PIEZO2: variants seen among roughly 807,000 people sequenced by gnomAD.
The protein encoded by PIEZO2 is piezo-type mechanosensitive ion channel component 2.
Under a neutral mutation model 337.3 loss-of-function variants are expected in PIEZO2, and 172 were observed. That is an observed-to-expected ratio of 0.51 (90% CI 0.45 to 0.58). The LOEUF (loss-of-function observed/expected upper bound fraction) is 0.58. Ranked by LOEUF, PIEZO2 falls within the 20% of genes least tolerant of loss-of-function variation. The probability of loss-of-function intolerance (pLI) is 0.00; values close to 1 mark genes in which losing one functional copy is unlikely to be tolerated. For missense variants in PIEZO2, 3,028 were observed against 3,391.3 expected (o/e 0.89, Z 2.66); for synonymous variants, 1,251 against 1,228.5 (o/e 1.02, Z -0.38).
intron 1 of PIEZO2, among the ~76,000 whole-genome samples, chr18:11,091,195 C>G (rs1475167322): frequency 6.6e-6 from 1 of 151,704 alleles, no homozygotes; most frequent in Non-Finnish European, 1.5e-5. Context: ...AACAGCCTGG[C>G]CAGCATGATG....
At position 10,672,738 on chromosome 18, in the gene PIEZO2, A is replaced by C; in HGVS notation, c.8297T>G (p.Phe2766Cys). 1 of 1,614,098 alleles carries C rather than the reference A, an allele frequency of 6.2e-7. No individual in the cohort carries two copies. Among genetic ancestry groups the C allele is most frequent in the East Asian group, 2.2e-5 (1 of 44,876 alleles). ...ACTTGGGGGACTGACTTTGTCATTG[A>C]AGACCACCAGTTCCAGGGCCTGAGA... Reference protein sequence around the residue: ...PNSQALELVVFNDKVSPPSLG... With the variant: ...PNSQALELVVCNDKVSPPSLG... The change falls in exon 55 of 56, where the codon TTC becomes TGC. Residue 2766 changes from phenylalanine to cysteine, a missense_variant. By Grantham distance (205) the Phe-to-Cys change is radical (BLOSUM62 -2). This residue lies in a region of PIEZO2 where 332 missense variants were observed against 363.8 expected (regional missense o/e 0.91). Transcript: ENST00000674853. The surrounding 1 kb of genome is among the most constrained non-coding windows in gnomAD (Gnocchi z 4.7).
Position 11,148,567 on chromosome 18 carries a change from C to T in PIEZO2, c.22G>A (p.Gly8Arg). The change falls in exon 1 of 56, where the codon GGG (glycine) becomes AGG (arginine). Residue 8 changes from glycine (G) to arginine (R), a missense_variant. Physicochemically the swap from Gly to Arg is moderately radical, Grantham distance 125. This residue lies in a region of PIEZO2 where 542 missense variants were observed against 605.6 expected (regional missense o/e 0.89). Transcript: ENST00000674853. The surrounding 1 kb of genome is among the most constrained non-coding windows in gnomAD (Gnocchi z 5.2). ...GGCAGCAGCAGCCTGAAGATGAGCCCGCACACCACTTCTGAGGCCATCGCG... is the reference window on the plus strand; with the variant it reads ...GGCAGCAGCAGCCTGAAGATGAGCCTGCACACCACTTCTGAGGCCATCGCG... MASEVVCGLIFRLLLPIC... is the reference protein window; with the variant it reads MASEVVCRLIFRLLLPIC... 6.5e-7 allele frequency: 1 copy of T among 1,537,188 alleles called. No homozygotes were observed. The highest frequency in any genetic ancestry group is 1.2e-5 in the South Asian group (1 of 84,066).
In PIEZO2 at chr18:10,942,076, G is replaced by T. The variant is rs2032757602; in HGVS notation, c.287-30848C>A. The stretch of plus-strand genomic sequence containing the variant: ...TCCTTGCTTTCGGCCACGATCGTGA[G>T]GCCTCTCCAGCCATGTGGAACTGTA... On this transcript the variant is annotated intron_variant, in intron 3 of 55. Coordinates refer to ENST00000674853, the MANE Select transcript of PIEZO2 (RefSeq NM_001378183.1). The surrounding 1 kb of genome is among the most constrained non-coding windows in gnomAD (Gnocchi z 4.4). Among the ~76,000 whole-genome samples the T allele has an allele frequency of 6.6e-6, 1 of 152,194 alleles. No homozygotes were observed. Among genetic ancestry groups the T allele is most frequent in the African/African-American group, 2.4e-5 (1 of 41,446 alleles).
In PIEZO2 at chr18:10,807,150, G is replaced by T; in HGVS notation, c.1042C>A (p.Leu348Met). 6.5e-7 allele frequency: 1 copy of T among 1,537,250 alleles called. No individual in the cohort carries two copies. The highest frequency in any genetic ancestry group is 1.2e-5 in the South Asian group (1 of 84,060). ...AGCCAGATGCGGATCAGAGTGGCCAGAGTGTAGTACATCACCAGCAGGAGG... is the reference window on the plus strand; with the variant it reads ...AGCCAGATGCGGATCAGAGTGGCCATAGTGTAGTACATCACCAGCAGGAGG... Reference protein sequence around the residue: ...PILLLVMYYTLATLIRIWLQE... With the variant: ...PILLLVMYYTMATLIRIWLQE... Residue 348 changes from leucine to methionine, a missense_variant, in exon 8 of 56, where the codon CTG becomes ATG. Physicochemically the swap from Leu to Met is conservative, Grantham distance 15. Transcript: ENST00000674853.
intron 2 of PIEZO2, among the ~76,000 whole-genome samples, chr18:11,064,097 G>C (rs1395786116): frequency 6.6e-6 from 1 of 152,056 alleles, no homozygotes; most frequent in Non-Finnish European, 1.5e-5. Context: ...ATTTGTGTTG[G>C]GCCACACTCA....
intron 36 of PIEZO2, among the ~76,000 whole-genome samples, chr18:10,721,220 T>A (rs2036297848): frequency 6.6e-6 from 1 of 152,216 alleles, no homozygotes; most frequent in African/African-American, 2.4e-5. Context: ...TTTGCTCCTC[T>A]GTAGAGCAGG....
chr18:10,840,617 TC>T (rs2041160465), intron 7 of PIEZO2, among the ~76,000 whole-genome samples: 1 of 151,458 alleles, frequency 6.6e-6, no homozygotes, highest in African/African-American at 2.4e-5. Flanking sequence ...ATCCAAAATA[TC>T]CACTTTTGAC....
chr18:11,093,024 G>T (rs912026143), intron 1 of PIEZO2, among the ~76,000 whole-genome samples: 1 of 152,102 alleles, frequency 6.6e-6, no homozygotes, highest in Non-Finnish European at 1.5e-5. Flanking sequence ...AGGGCCATTT[G>T]GTTTCCAGAA....
In PIEZO2 at chr18:10,671,712, T is replaced by C; in HGVS notation, c.8413A>G (p.Ile2805Val). The change falls in exon 56 of 56, where the codon ATT becomes GTT. Residue 2805 changes from isoleucine (I) to valine (V), a missense_variant. Physicochemically the swap from Ile to Val is conservative, Grantham distance 29. Coordinates refer to ENST00000674853, the MANE Select transcript of PIEZO2 (RefSeq NM_001378183.1). The part of the protein sequence containing the change: ...GKFVREFFSG[I>V]SHSIMFEELP... ...TCTTCAAACATGATGGAGTGAGAAA[T>C]CCCACTGAAGAATTCACGGACAAAT... 6.2e-7 allele frequency: 1 copy of C among 1,613,866 alleles called. No homozygotes were observed. The highest frequency in any genetic ancestry group is 1.1e-5 in the South Asian group (1 of 91,068).
chr18:10,906,081 C>T (rs1028719292), intron 4 of PIEZO2, among the ~76,000 whole-genome samples: 5 of 152,076 alleles, frequency 3.3e-5, no homozygotes, highest in African/African-American at 4.8e-5. Flanking sequence ...TGGAAGGCTG[C>T]GGTCACCCCA....
At chr18:10,792,823 TTA>T (rs1404715530) in intron 13 of PIEZO2, among the ~76,000 whole-genome samples, 2 of 152,222 alleles carry the variant, frequency 1.3e-5, no homozygotes, top group African/African-American at 2.4e-5. Context: ...TATGGAAATT[TTA>T]TGTTTAAAAT....
chr18:10,830,032 C>T lies in PIEZO2; in HGVS notation c.918-22758G>A, dbSNP rs531700402. Among the ~76,000 whole-genome samples, 6 of 151,864 alleles carry T rather than the reference C, an allele frequency of 4.0e-5. No individual in the cohort carries two copies. The highest frequency in any genetic ancestry group is 8.8e-5 in the Non-Finnish European group (6 of 67,982). ...TACAAAACTGGAGGAATCACATTACCTCACTTCGAATTATACTACAGAGCT... is the reference window on the plus strand; with the variant it reads ...TACAAAACTGGAGGAATCACATTACTTCACTTCGAATTATACTACAGAGCT... On this transcript the variant is annotated intron_variant, in intron 7 of 55. Coordinates refer to ENST00000674853, the MANE Select transcript of PIEZO2 (RefSeq NM_001378183.1). This position sits in a 1 kb window ranked among gnomAD's most constrained non-coding sequence, Gnocchi z 4.7.
At position 10,773,625 on chromosome 18, in the gene PIEZO2, C is replaced by T; in HGVS notation, c.2572G>A (p.Ala858Thr). ...TCCGGGAGGCTTCCTTCCGGGTGGG[C>T]CAGTCTGTTGGCAGAGAGCAGCTGA... ...KKLPIHQNEL[A>T]HPEGSLPDLT... The change falls in exon 20 of 56, where the codon GCC (alanine) becomes ACC (threonine). Residue 858 changes from alanine (A) to threonine (T), a missense_variant. Ala to Thr is a moderately conservative substitution (Grantham distance 58). Around this residue, in one of 5 missense-constraint regions of PIEZO2, gnomAD observed 1,925 missense variants for 2,051.9 expected, o/e 0.94. Coordinates refer to ENST00000674853, the MANE Select transcript of PIEZO2 (RefSeq NM_001378183.1). The surrounding 1 kb of genome is among the most constrained non-coding windows in gnomAD (Gnocchi z 5.3). 6.5e-7 allele frequency: 1 copy of T among 1,537,158 alleles called. No homozygotes were observed. The highest frequency in any genetic ancestry group is 8.7e-7 in the Non-Finnish European group (1 of 1,146,918).
chr18:11,135,257 T>C (rs1314560839), intron 1 of PIEZO2, among the ~76,000 whole-genome samples: 1 of 152,028 alleles, frequency 6.6e-6, no homozygotes, highest in African/African-American at 2.4e-5. Context: ...CAGACATGAG[T>C]TCCTTTGACT....
Position 10,724,625 on chromosome 18 carries a change from T to C in PIEZO2, c.5030-6366A>G, listed in dbSNP as rs2036453606. On this transcript the variant is annotated intron_variant, in intron 36 of 55. Coordinates refer to ENST00000674853, the MANE Select transcript of PIEZO2 (RefSeq NM_001378183.1). This position sits in a 1 kb window ranked among gnomAD's most constrained non-coding sequence, Gnocchi z 5.8. ...TGTGACCCCCAAGACAGAATGGTGC[T>C]GGACTCGGGGTCTCAGGCGTATGAT... The C allele has an allele frequency of 2.9e-6, 2 of 684,202 alleles. No homozygotes were observed. Among genetic ancestry groups the C allele is most frequent in the Non-Finnish European group, 5.2e-6 (2 of 387,278 alleles). The allele number at this position is 684,202 out of a possible 1,614,324, so 42.4% of individuals were successfully genotyped here.
intron 4 of PIEZO2, among the ~76,000 whole-genome samples, chr18:10,882,539 G>A (rs1434716373): frequency 2.0e-5 from 3 of 152,166 alleles, no homozygotes; most frequent in Non-Finnish European, 4.4e-5. Context: ...AATACAGGAA[G>A]CATGTTATCA....
chr18:10,880,846 CATATATAT>C (rs56271617), intron 4 of PIEZO2, among the ~76,000 whole-genome samples: 1,539 of 67,282 alleles, frequency 0.023, 26 homozygotes, highest in Non-Finnish European at 0.029. Context: ...TCCCACATAT[CATATATAT>C]ATATATATAT....
Position 10,872,927 on chromosome 18 carries a change from T to C in PIEZO2, c.330-1512A>G, listed in dbSNP as rs538466631. Among the ~76,000 whole-genome samples the C allele has an allele frequency of 2.2e-4, 33 of 152,158 alleles. No individual in the cohort carries two copies. In the South Asian group the frequency reaches 3.7e-3, roughly 17 times the overall value. ...CTTCTGGGGAAGATAAGATGATCCA[T>C]GGAAAAATCAAGCATAGAACTTCAA... On this transcript the variant is annotated intron_variant, in intron 4 of 55. Transcript: ENST00000674853. The surrounding 1 kb of genome is among the most constrained non-coding windows in gnomAD (Gnocchi z 4.3).
chr18:10,685,120 A>G (rs1598353395), intron 49 of PIEZO2, among the ~76,000 whole-genome samples: 1 of 152,208 alleles, frequency 6.6e-6, no homozygotes, highest in Non-Finnish European at 1.5e-5. Context: ...TTTGCCTTTC[A>G]GGTTATTGCT....
Sources: allele counts gnomAD v4.1 joint callset (sites outside exome capture counted in the v4.1 genomes callset), GRCh38; gene constraint gnomAD v4.1.1; regional missense constraint gnomAD v4.1.1; non-coding constraint Gnocchi (gnomAD v3.1); transcripts MANE v1.5; gene names NCBI Gene and HGNC (gene_info 2026-07-23, HGNC 2026-07-21).